Variants in PRTG observed in about 807,000 individuals in gnomAD.
The protein encoded by PRTG is immunoglobulin superfamily, DCC subclass, member 5.
PRTG carries 67 observed loss-of-function variants against 122.5 expected under a neutral mutation model. The observed-to-expected ratio is 0.55, with a 90% CI of 0.45 to 0.67. PRTG has a LOEUF of 0.67. PRTG is among the 30% of genes least tolerant of loss of function. The pLI, the probability that PRTG is intolerant of heterozygous loss-of-function variation, is 0.00. For synonymous variants in PRTG, 554 were observed against 501.1 expected, an observed-to-expected ratio of 1.11 and a Z score of -1.41; for missense variants, 1,435 against 1,415.4, an observed-to-expected ratio of 1.01 and a Z score of -0.22.
chr15:55,701,007 C>T (rs568592110), intron 2 of PRTG, among the ~76,000 whole-genome samples: 29 of 152,292 alleles, frequency 1.9e-4, no homozygotes, highest in Middle Eastern at 3.4e-3. Flanking sequence ...TGAATGGCAA[C>T]TCAACACAAA....
At chr15:55,667,690 G>A (rs558329703) in intron 11 of PRTG, among the ~76,000 whole-genome samples, 1 of 152,110 alleles carries the variant, frequency 6.6e-6, no homozygotes, top group African/African-American at 2.4e-5. Flanking sequence ...TCACACTTTC[G>A]TCAGTTAGTT....
Position 55,637,228 on chromosome 15 carries a change from G to A in PRTG, c.2565C>T (p.Ile855=), listed in dbSNP as rs1408351752. The A allele has an allele frequency of 6.2e-7, 1 of 1,613,788 alleles. No individual in the cohort carries two copies. The highest frequency in any genetic ancestry group is 8.5e-7 in the Non-Finnish European group (1 of 1,179,912). ...GPETVVTRYT[I]LYASRKAWIA... ...TCCAGGCCTTCCTAGATGCATATAA[G>A]ATAGTATAGCGGGTCACAACTGTTT... is the stretch of plus-strand genomic sequence containing the variant. The change falls in exon 15 of 20, where the codon ATC becomes ATT. Residue 855 remains isoleucine (I), a synonymous_variant. Coordinates refer to ENST00000389286, the MANE Select transcript of PRTG (RefSeq NM_173814.6).
At chr15:55,658,067 G>A (rs1595625236) in intron 11 of PRTG, among the ~76,000 whole-genome samples, 1 of 152,036 alleles carries the variant, frequency 6.6e-6, no homozygotes, top group African/African-American at 2.4e-5. Context: ...TTAATACACT[G>A]TGAACAATTT....
Position 55,738,650 on chromosome 15 carries a change from T to A in PRTG, c.397+1732A>T, listed in dbSNP as rs1018069212. 5.2e-4 allele frequency: 314 copies of A among 600,884 alleles called. 1 individual carries two copies. Among genetic ancestry groups the A allele is most frequent in the Admixed American group, 9.4e-4 (35 of 37,118 alleles). The allele number at this position is 600,884 out of a possible 1,614,324, so 37.2% of individuals were successfully genotyped here. A position where few individuals can be genotyped will look rare whatever the true frequency, so the allele number is the denominator to read the frequency against. On this transcript the variant is annotated intron_variant, in intron 2 of 19. Transcript: ENST00000389286. ...ATAAGCATAAAAAGCACACTATCTT[T>A]AAAACAGTACTATACAGAAAAACCA...
At chr15:55,734,105 G>A (rs2031332278) in intron 2 of PRTG, among the ~76,000 whole-genome samples, 1 of 152,146 alleles carries the variant, frequency 6.6e-6, no homozygotes, top group African/African-American at 2.4e-5. Context: ...CAGGGATGCC[G>A]CTAACACTGC....
intron 2 of PRTG, among the ~76,000 whole-genome samples, chr15:55,726,395 C>A (rs541653037): frequency 1.3e-5 from 2 of 152,078 alleles, no homozygotes; most frequent in East Asian, 1.9e-4. Context: ...AACTTTAGAT[C>A]CAAAGACGCA....
chr15:55,742,105 T>G (rs538773828), intron 1 of PRTG: 1 of 152,238 alleles, frequency 6.6e-6, no homozygotes, highest in Admixed American at 6.5e-5. Flanking sequence ...TTCAGAGCCG[T>G]ACACACTTCA....
At chr15:55,726,978 T>C (rs1452820224) in intron 2 of PRTG, among the ~76,000 whole-genome samples, 2 of 148,368 alleles carry the variant, frequency 1.3e-5, no homozygotes, top group South Asian at 2.1e-4. Flanking sequence ...AAAGAAAAAC[T>C]GTAACACACC....
chr15:55,667,217 A>C (rs528356677), intron 11 of PRTG, among the ~76,000 whole-genome samples: 81 of 152,182 alleles, frequency 5.3e-4, no homozygotes, highest in East Asian at 1.7e-3. Context: ...GAAAAAAAAA[A>C]AAAAACAGAT....
chr15:55,614,935 T>C lies in PRTG; in HGVS notation c.*5077A>G, dbSNP rs1296847706. The C allele has an allele frequency of 1.3e-5, 2 of 152,094 alleles. No homozygotes were observed. The highest frequency in any genetic ancestry group is 1.3e-4 in the Admixed American group (2 of 15,258). 9.4% of individuals were successfully genotyped at this position (152,094 alleles called of 1,614,324 possible). A position where few individuals can be genotyped will look rare whatever the true frequency, so the allele number is the denominator to read the frequency against. On this transcript the variant is annotated 3_prime_UTR_variant, in exon 20 of 20. Coordinates refer to ENST00000389286, the MANE Select transcript of PRTG (RefSeq NM_173814.6). ...CCCAAATCCCTGGAACCAGTGAATA[T>C]GTTACCAAACATAGCAAAAGGAACT... is the stretch of plus-strand genomic sequence containing the variant.
intron 2 of PRTG, among the ~76,000 whole-genome samples, chr15:55,706,702 G>A (rs1180923245): frequency 2.6e-5 from 4 of 151,768 alleles, no homozygotes; most frequent in Middle Eastern, 6.3e-3. Context: ...GGAGTTCGAC[G>A]TTACAGTGAG....
chr15:55,681,124 A>C (rs1336004002), intron 4 of PRTG, among the ~76,000 whole-genome samples: 1 of 152,144 alleles, frequency 6.6e-6, no homozygotes, highest in Non-Finnish European at 1.5e-5. Context: ...TAGATAGAAC[A>C]CATTTTATTT....
intron 2 of PRTG, among the ~76,000 whole-genome samples, chr15:55,718,628 C>CA (rs35793848): frequency 0.38 from 55,152 of 144,882 alleles, 12,125 homozygotes; most frequent in Non-Finnish European, 0.52. Flanking sequence ...AAAAAACAAA[C>CA]AAAAAAAAAA....
rs768695691 is a variant in PRTG at position 55,639,709 on chromosome 15, T to C, written c.2257A>G (p.Ile753Val). The change falls in exon 13 of 20, where the codon ATT becomes GTT. Residue 753 changes from isoleucine to valine, a missense_variant. Coordinates refer to ENST00000389286, the MANE Select transcript of PRTG (RefSeq NM_173814.6). ...RRPAFTAAQI[I>V]NYTIRCNPVG... ...GGATTACAGCGGATGGTGTAGTTAA[T>C]GATTTGTGCAGCGGTGAATGCAGGC... 3.7e-6 allele frequency: 6 copies of C among 1,614,116 alleles called. No individual in the cohort carries two copies. In the Admixed American group the frequency reaches 1.0e-4, roughly 27 times the overall value.
chr15:55,620,743 TATTA>T lies in PRTG; in HGVS notation c.3114_3117del (p.Asn1039AlafsTer5). On this transcript the variant is annotated frameshift_variant, in exon 19 of 20. Transcript: ENST00000389286. LOFTEE classifies it high-confidence loss of function. ...TTGTTTTTAATTATAGGACCATAGC[TATTA>T]ATTATCAGGTCAGTTCCTCCCTGAG... 4 of 1,597,484 alleles carry T rather than the reference TATTA, an allele frequency of 2.5e-6. No individual in the cohort carries two copies. Among genetic ancestry groups the T allele is most frequent in the South Asian group, 1.2e-5 (1 of 86,556 alleles).
chr15:55,653,399 CT>C (rs2059363716), intron 11 of PRTG, among the ~76,000 whole-genome samples: 1 of 152,018 alleles, frequency 6.6e-6, no homozygotes, highest in South Asian at 2.1e-4. Flanking sequence ...GAGGAAAGTT[CT>C]TTGTACGTGT....
intron 2 of PRTG, among the ~76,000 whole-genome samples, chr15:55,705,892 GT>G: frequency 8.1e-6 from 1 of 122,864 alleles, no homozygotes; most frequent in African/African-American, 3.1e-5. Flanking sequence ...GTCTCACTCT[GT>G]CACCAGTGCA....
intron 11 of PRTG, among the ~76,000 whole-genome samples, chr15:55,654,691 A>G (rs189743914): frequency 6.6e-6 from 1 of 152,314 alleles, no homozygotes; most frequent in East Asian, 1.9e-4. Context: ...TGTCTCACAT[A>G]CATCATTGCC....
intron 2 of PRTG, among the ~76,000 whole-genome samples, chr15:55,692,832 TC>T (rs1231591823): frequency 2.7e-5 from 3 of 109,470 alleles, no homozygotes; most frequent in Non-Finnish European, 4.0e-5. Flanking sequence ...TTTAATGCAA[TC>T]TCTTTTTTTT....
Sources: allele counts gnomAD v4.1 joint callset (sites outside exome capture counted in the v4.1 genomes callset), GRCh38; gene constraint gnomAD v4.1.1; transcripts MANE v1.5; gene names NCBI Gene and HGNC (gene_info 2026-07-23, HGNC 2026-07-21).